ATP9A: variants seen among roughly 807,000 people sequenced by gnomAD.
ATP9A encodes ATPase phospholipid transporting 9A.
In ATP9A, 52 loss-of-function variants were observed where a neutral mutation model predicts 144.1. That is an observed-to-expected ratio of 0.36 (90% CI 0.29 to 0.45). ATP9A has a LOEUF of 0.45. Among genes scored for constraint, ATP9A ranks in the 20% least tolerant of loss-of-function variants. The probability of loss-of-function intolerance (pLI) is 1.00; values close to 1 mark genes in which losing one functional copy is unlikely to be tolerated. For synonymous variants in ATP9A, 582 were observed against 557.4 expected (o/e 1.04, Z -0.62); for missense variants, 947 against 1,392.7 (o/e 0.68, Z 5.09).
At position 51,597,565 on chromosome 20, in the gene ATP9A, T is replaced by C. The variant is rs958633959; in HGVS notation, c.*3646A>G. The C allele has an allele frequency of 6.6e-6, 1 of 151,990 alleles. No individual in the cohort carries two copies. Among genetic ancestry groups the C allele is most frequent in the African/African-American group, 2.4e-5 (1 of 41,352 alleles). 9.4% of individuals were successfully genotyped at this position (151,990 alleles called of 1,614,324 possible). A position where few individuals can be genotyped will look rare whatever the true frequency, so the allele number is the denominator to read the frequency against. On this transcript the variant is annotated 3_prime_UTR_variant, in exon 28 of 28. Transcript: ENST00000338821. ...ACACACCCCCCACACACTTCAAACATACAGAAAAGGTTAAAGATAAAAATA... is the reference window on the plus strand; with the variant it reads ...ACACACCCCCCACACACTTCAAACACACAGAAAAGGTTAAAGATAAAAATA...
intron 6 of ATP9A, among the ~76,000 whole-genome samples, chr20:51,694,568 C>T (rs2077562637): frequency 6.6e-6 from 1 of 152,168 alleles, no homozygotes; most frequent in South Asian, 2.1e-4. Flanking sequence ...CTCTCTGAGC[C>T]TCAGTTTCCT....
At chr20:51,698,192 C>T (rs931124037) in intron 4 of ATP9A, among the ~76,000 whole-genome samples, 1 of 152,174 alleles carries the variant, frequency 6.6e-6, no homozygotes, top group Non-Finnish European at 1.5e-5. Context: ...TCTGACTCCA[C>T]AGTACAGAAT....
intron 4 of ATP9A, among the ~76,000 whole-genome samples, chr20:51,711,796 T>C (rs2077639819): frequency 6.7e-6 from 1 of 149,940 alleles, no homozygotes; most frequent in Admixed American, 6.7e-5. Context: ...AAGTGGGGGG[T>C]CAGTGATTAA....
At chr20:51,675,828 C>T (rs2077474549) in intron 10 of ATP9A, among the ~76,000 whole-genome samples, 1 of 141,716 alleles carries the variant, frequency 7.1e-6, no homozygotes. Context: ...TACAGTGAGC[C>T]AAAATCAAGC....
intron 13 of ATP9A, among the ~76,000 whole-genome samples, chr20:51,661,105 G>A (rs933577469): frequency 2.0e-5 from 3 of 152,140 alleles, no homozygotes; most frequent in African/African-American, 7.2e-5. Context: ...TAAAGCCCCT[G>A]AGTCATTTAT....
intron 10 of ATP9A, among the ~76,000 whole-genome samples, chr20:51,675,587 A>G (rs1256108148): frequency 6.6e-6 from 1 of 152,226 alleles, no homozygotes; most frequent in Non-Finnish European, 1.5e-5. Context: ...TTAACCTAAA[A>G]GCACAAAAAA....
At chr20:51,688,499 C>T (rs2077533216) in intron 9 of ATP9A, among the ~76,000 whole-genome samples, 1 of 151,840 alleles carries the variant, frequency 6.6e-6, no homozygotes, top group Admixed American at 6.6e-5. Flanking sequence ...GACTGAGACA[C>T]AAGAATCGCT....
chr20:51,618,611 C>G, intron 21 of ATP9A, 51 bp downstream of exon 21: 7 of 1,560,288 alleles, frequency 4.5e-6, no homozygotes, highest in Non-Finnish European at 6.0e-6. Context: ...GGAAAGGGAG[C>G]CTGGTGCACC....
At chr20:51,755,238 C>A (rs957866509) in intron 1 of ATP9A, among the ~76,000 whole-genome samples, 1 of 151,672 alleles carries the variant, frequency 6.6e-6, no homozygotes, top group Admixed American at 6.6e-5. Flanking sequence ...GAGTTCGAGA[C>A]CAGCCTGACC....
chr20:51,620,174 C>T (rs2077220721), intron 19 of ATP9A, among the ~76,000 whole-genome samples: 1 of 152,160 alleles, frequency 6.6e-6, no homozygotes, highest in South Asian at 2.1e-4. Context: ...TCCATCACAA[C>T]CACTCAGCTC....
intron 1 of ATP9A, among the ~76,000 whole-genome samples, chr20:51,761,577 C>A (rs1035807617): frequency 6.6e-6 from 1 of 151,964 alleles, no homozygotes; most frequent in Non-Finnish European, 1.5e-5. Flanking sequence ...CTGGCTAACA[C>A]GGTGAAACCC....
chr20:51,749,267 A>T (rs1346125014), intron 1 of ATP9A, among the ~76,000 whole-genome samples: 1 of 152,074 alleles, frequency 6.6e-6, no homozygotes, highest in African/African-American at 2.4e-5. Flanking sequence ...ACGAGCTCAG[A>T]ATTTTTTTTT....
intron 4 of ATP9A, among the ~76,000 whole-genome samples, chr20:51,699,236 G>A (rs2077583023): frequency 6.6e-6 from 1 of 151,040 alleles, no homozygotes; most frequent in Non-Finnish European, 1.5e-5. Context: ...CAGCTACTGA[G>A]GCAGGAGAAT....
chr20:51,704,496 C>T (rs148064194), intron 4 of ATP9A, among the ~76,000 whole-genome samples: 337 of 152,070 alleles, frequency 2.2e-3, no homozygotes, highest in Admixed American at 3.9e-3. Flanking sequence ...AACTTTATAT[C>T]TGGGCGGGGC....
chr20:51,765,601 G>T (rs984016636), intron 1 of ATP9A, among the ~76,000 whole-genome samples: 2 of 141,676 alleles, frequency 1.4e-5, no homozygotes, highest in Non-Finnish European at 3.0e-5. Context: ...GCAGTGAGCC[G>T]AGATCGTGCC....
intron 4 of ATP9A, among the ~76,000 whole-genome samples, chr20:51,703,091 T>C (rs994090149): frequency 1.3e-5 from 2 of 152,178 alleles, no homozygotes; most frequent in Non-Finnish European, 2.9e-5. Context: ...ACTGTTAATG[T>C]CTTAAAATTC....
chr20:51,618,937 G>C lies in ATP9A; in HGVS notation c.2205+17C>G, dbSNP rs750931378. ...AGGCTGCTGGGAGGACTGGCTCTCA[G>C]GGGTCCCCAAGCTCACCTCCAGGGA... On this transcript the variant is annotated intron_variant, in intron 20 of 27. Coordinates refer to ENST00000338821, the MANE Select transcript of ATP9A (RefSeq NM_006045.3). 74 of 1,613,508 alleles carry C rather than the reference G, an allele frequency of 4.6e-5. 1 individual carries two copies. The highest frequency in any genetic ancestry group is 6.0e-5 in the Non-Finnish European group (71 of 1,179,602).
chr20:51,682,839 C>T (rs1466841302), intron 9 of ATP9A, among the ~76,000 whole-genome samples: 3 of 149,550 alleles, frequency 2.0e-5, no homozygotes, highest in Non-Finnish European at 3.0e-5. Flanking sequence ...GTGATCCAGC[C>T]GCATTGGCCT....
At chr20:51,712,103 C>T (rs1303310464) in intron 4 of ATP9A, among the ~76,000 whole-genome samples, 1 of 138,796 alleles carries the variant, frequency 7.2e-6, no homozygotes, top group Admixed American at 7.3e-5. Flanking sequence ...GATGGAGTCT[C>T]GCTCTGTCGC....
Sources: allele counts gnomAD v4.1 joint callset (sites outside exome capture counted in the v4.1 genomes callset), GRCh38; gene constraint gnomAD v4.1.1; transcripts MANE v1.5; gene names NCBI Gene and HGNC (gene_info 2026-07-23, HGNC 2026-07-21).